Variants in SMYD3 observed in about 807,000 individuals in gnomAD.
The protein encoded by SMYD3 is histone-lysine N-methyltransferase SMYD3.
Under a neutral mutation model 57.7 loss-of-function variants are expected in SMYD3, and 36 were observed. The ratio of observed to expected loss-of-function variants is 0.62; its 90% CI spans 0.48 to 0.82. The LOEUF is 0.82. Ranked by LOEUF, SMYD3 falls within the 40% of genes least tolerant of loss-of-function variation. The pLI, the probability that SMYD3 is intolerant of heterozygous loss-of-function variation, is 0.00. For missense variants in SMYD3, 515 were observed against 538.8 expected, an observed-to-expected ratio of 0.96 and a Z score of 0.44; for synonymous variants, 211 against 195.0, an observed-to-expected ratio of 1.08 and a Z score of -0.68.
At chr1:245,894,519 C>T (rs969320922) in intron 8 of SMYD3, among the ~76,000 whole-genome samples, 1 of 152,132 alleles carries the variant, frequency 6.6e-6, no homozygotes, top group East Asian at 1.9e-4. Flanking sequence ...AGAGCTCTAA[C>T]ACTCACCGCA....
chr1:246,498,224 T>C (rs933286641), intron 1 of SMYD3, among the ~76,000 whole-genome samples: 1 of 152,158 alleles, frequency 6.6e-6, no homozygotes, highest in African/African-American at 2.4e-5. Context: ...AATACACACA[T>C]GCAAGGTTAT....
intron 5 of SMYD3, among the ~76,000 whole-genome samples, chr1:246,063,507 A>G (rs1037783380): frequency 1.3e-5 from 2 of 151,888 alleles, no homozygotes; most frequent in Admixed American, 1.3e-4. Context: ...GCCAAGGGCC[A>G]AACTTGTGGG....
chr1:246,050,066 T>G (rs1283076230), intron 5 of SMYD3, among the ~76,000 whole-genome samples: 1 of 152,234 alleles, frequency 6.6e-6, no homozygotes, highest in Non-Finnish European at 1.5e-5. Context: ...AAACAACCTT[T>G]CACGAAATAC....
At chr1:245,788,212 A>G (rs960003442) in intron 10 of SMYD3, among the ~76,000 whole-genome samples, 10 of 152,184 alleles carry the variant, frequency 6.6e-5, no homozygotes, top group African/African-American at 2.4e-4. Context: ...CCAGATTAAC[A>G]CAGGGAACAG....
At chr1:246,136,310 A>G (rs1413700845) in intron 5 of SMYD3, among the ~76,000 whole-genome samples, 1 of 152,066 alleles carries the variant, frequency 6.6e-6, no homozygotes, top group East Asian at 1.9e-4. Context: ...TTGGCTACCC[A>G]CCCCCAATTC....
In SMYD3 at chr1:246,035,932, T is replaced by C. The variant is rs558687651; in HGVS notation, c.532-105995A>G. ...GCTCTAAACAACTAAAGCATGTACC[T>C]GTCTTAAGTGACAAGGAGGGATGAC... is the stretch of plus-strand genomic sequence containing the variant. On this transcript the variant is annotated intron_variant, in intron 5 of 11. Transcript: ENST00000490107. 4.1e-4 allele frequency among the ~76,000 whole-genome samples: 63 copies of C among 152,348 alleles called. 1 individual carries two copies. The highest frequency in any genetic ancestry group is 1.4e-3 in the African/African-American group (58 of 41,580).
At chr1:245,775,342 G>A (rs2046535688) in intron 10 of SMYD3, among the ~76,000 whole-genome samples, 1 of 152,144 alleles carries the variant, frequency 6.6e-6, no homozygotes, top group Non-Finnish European at 1.5e-5. Context: ...AGTAGACATG[G>A]GAGACTCCAG....
chr1:246,385,282 A>C (rs1260878451), intron 1 of SMYD3, among the ~76,000 whole-genome samples: 1 of 145,520 alleles, frequency 6.9e-6, no homozygotes, highest in African/African-American at 2.5e-5. Context: ...TGCGAATTTT[A>C]AGTACTAGGA....
At chr1:245,993,007 T>C (rs1433485938) in intron 5 of SMYD3, among the ~76,000 whole-genome samples, 2 of 152,032 alleles carry the variant, frequency 1.3e-5, no homozygotes, top group African/African-American at 4.8e-5. Context: ...TACTCTACAA[T>C]CTATCAAGGC....
Position 246,355,063 on chromosome 1 carries a change from G to A in SMYD3, c.196C>T (p.Arg66Cys), listed in dbSNP as rs138004389. 1.4e-5 allele frequency: 22 copies of A among 1,613,922 alleles called. No individual in the cohort carries two copies. The highest frequency in any genetic ancestry group is 5.0e-5 in the Admixed American group (3 of 59,988). Residue 66 changes from arginine to cysteine, a missense_variant, in exon 2 of 12, where the codon CGC (arginine) becomes TGC (cysteine). Transcript: ENST00000490107. This position sits in a 1 kb window ranked among gnomAD's most constrained non-coding sequence, Gnocchi z 5.0. ...KEKLMRCSQC[R>C]VAKYCSAKCQ... is the part of the protein sequence containing the mutation. Reference sequence around the variant, plus strand: ...TTAGCACTACAGTATTTGGCGACGCGGCACTGAGAGCATCGCATCAGCTTT... The same window carrying A: ...TTAGCACTACAGTATTTGGCGACGCAGCACTGAGAGCATCGCATCAGCTTT...
At chr1:246,248,415 G>A (rs2063742937) in intron 5 of SMYD3, among the ~76,000 whole-genome samples, 1 of 152,062 alleles carries the variant, frequency 6.6e-6, no homozygotes, top group South Asian at 2.1e-4. Flanking sequence ...AACTTGAAAT[G>A]TCTCCCAACA....
At chr1:246,467,140 A>G (rs1386449086) in intron 1 of SMYD3, among the ~76,000 whole-genome samples, 8 of 152,178 alleles carry the variant, frequency 5.3e-5, no homozygotes, top group Non-Finnish European at 1.2e-4. Context: ...ACTGCACTCC[A>G]GCCTTGGCGA....
At position 246,481,621 on chromosome 1, in the gene SMYD3, T is replaced by TATATATATATATACACACACAC. The variant is rs1307881494; in HGVS notation, c.164+25432_164+25433insGTGTGTGTGTATATATATATAT. On this transcript the variant is annotated intron_variant, in intron 1 of 11. Coordinates refer to ENST00000490107, the MANE Select transcript of SMYD3 (RefSeq NM_001167740.2). ...ATATATATATATACACATACATATA[T>TATATATATATATACACACACAC]ACATACATACATACACATATTCATA... Among the ~76,000 whole-genome samples the TATATATATATATACACACACAC allele has an allele frequency of 1.2e-4, 12 of 98,548 alleles. 1 individual carries two copies. Among genetic ancestry groups the TATATATATATATACACACACAC allele is most frequent in the East Asian group, 3.6e-4 (1 of 2,748 alleles). The allele number at this position is 98,548 out of a possible 152,430, so 64.7% of individuals were successfully genotyped here. A position where few individuals can be genotyped will look rare whatever the true frequency, so the allele number is the denominator to read the frequency against.
chr1:246,054,611 C>T (rs919068370), intron 5 of SMYD3, among the ~76,000 whole-genome samples: 2 of 151,806 alleles, frequency 1.3e-5, no homozygotes, highest in Admixed American at 1.3e-4. Flanking sequence ...TTATGCTAAG[C>T]GAAAACAGTT....
intron 1 of SMYD3, 76 bp downstream of exon 1, chr1:246,506,978 G>GCCCCCCCCCCCCCCCCCCCCCCCC: frequency 7.7e-6 from 9 of 1,174,510 alleles, no homozygotes; most frequent in East Asian, 7.0e-5. Flanking sequence ...CGCGGCTGCC[G>GCCCCCCCCCCCCCCCCCCCCCCCC]GCCGCCCGAC....
chr1:246,206,075 G>A (rs1056854169), intron 5 of SMYD3, among the ~76,000 whole-genome samples: 3 of 151,890 alleles, frequency 2.0e-5, no homozygotes, highest in Non-Finnish European at 4.4e-5. Flanking sequence ...GCTTTCTATA[G>A]AAAATATTGA....
intron 7 of SMYD3, among the ~76,000 whole-genome samples, chr1:245,926,901 C>T (rs902470989): frequency 1.3e-5 from 2 of 152,212 alleles, no homozygotes; most frequent in Non-Finnish European, 2.9e-5. Flanking sequence ...ATCTCACTGA[C>T]ATCTATCCCA....
chr1:246,267,655 G>A lies in SMYD3; in HGVS notation c.531+59546C>T, dbSNP rs77629617. ...AAATCCTGTCATTCTTTAAGGGTCA[G>A]ACATTGTGCTTATATATTGTCAGAC... On this transcript the variant is annotated intron_variant, in intron 5 of 11. Coordinates refer to ENST00000490107, the MANE Select transcript of SMYD3 (RefSeq NM_001167740.2). 1.6e-3 allele frequency among the ~76,000 whole-genome samples: 240 copies of A among 152,280 alleles called. 6 individuals carry two copies. The East Asian group carries it at 0.045, about 28-fold the overall frequency.
chr1:245,895,468 C>G (rs1364576232), intron 8 of SMYD3, among the ~76,000 whole-genome samples: 1 of 152,062 alleles, frequency 6.6e-6, no homozygotes, highest in Non-Finnish European at 1.5e-5. Context: ...GGAGACAGTT[C>G]TGCTTACAAT....
Sources: allele counts gnomAD v4.1 joint callset (sites outside exome capture counted in the v4.1 genomes callset), GRCh38; gene constraint gnomAD v4.1.1; non-coding constraint Gnocchi (gnomAD v3.1); transcripts MANE v1.5; gene names NCBI Gene and HGNC (gene_info 2026-07-23, HGNC 2026-07-21).